ZNF730: variants seen among roughly 807,000 people sequenced by gnomAD.
ZNF730 encodes the protein zinc finger protein 730.
Under a neutral mutation model 12.6 loss-of-function variants are expected in ZNF730, and 12 were observed. The ratio of observed to expected loss-of-function variants is 0.95; its 90% CI spans 0.61 to 1.54. ZNF730 has a LOEUF of 1.54. ZNF730 is among the 40% of genes most tolerant of loss of function. The pLI is 0.00. For synonymous variants in ZNF730, 194 were observed against 195.8 expected (o/e 0.99, Z 0.08); for missense variants, 643 against 583.5 (o/e 1.10, Z -1.05).
At chr19:23,132,064 C>A (rs116706050) in intron 1 of ZNF730, among the ~76,000 whole-genome samples, 103 of 152,232 alleles carry the variant, frequency 6.8e-4, no homozygotes, top group African/African-American at 2.5e-3. Context: ...GGGGAGGGCA[C>A]CTGAGGACAG....
At chr19:23,127,373 A>G (rs1366938576) in intron 1 of ZNF730, 7 of 761,072 alleles carry the variant, frequency 9.2e-6, no homozygotes, top group Non-Finnish European at 1.4e-5. Flanking sequence ...ATGCATCACA[A>G]CTGTGTTCTT....
At chr19:23,100,379 G>A (rs1050911767) in intron 1 of ZNF730, 1 of 152,148 alleles carries the variant, frequency 6.6e-6, no homozygotes, top group African/African-American at 2.4e-5. Flanking sequence ...GGAAAATGAG[G>A]AAGTCGTCTT....
At chr19:23,141,093 T>A (rs1489286983) in intron 3 of ZNF730, among the ~76,000 whole-genome samples, 4 of 151,306 alleles carry the variant, frequency 2.6e-5, no homozygotes, top group Non-Finnish European at 5.9e-5. Context: ...GGAGACCCCA[T>A]CTTTCCAAAA....
Position 23,146,515 on chromosome 19 carries a change from C to T in ZNF730, c.1471C>T (p.Arg491Trp), listed in dbSNP as rs763239685. ...TAAAGAATGTGGTAAAGCCTTTAGG[C>T]GGTTCTCACACCTTACTAGGCATAA... is the stretch of plus-strand genomic sequence containing the variant. Reference protein sequence around the residue: ...KCKECGKAFRRFSHLTRHKTI... With the variant: ...KCKECGKAFRWFSHLTRHKTI... The change falls in exon 4 of 4, where the codon CGG becomes TGG. Residue 491 changes from arginine (R) to tryptophan (W), a missense_variant. Transcript: ENST00000597761. 54 of 1,586,940 alleles carry T rather than the reference C, an allele frequency of 3.4e-5. No homozygotes were observed. Among genetic ancestry groups the T allele is most frequent in the Non-Finnish European group, 3.9e-5 (46 of 1,169,168 alleles).
At chr19:23,121,785 A>T (rs924534124) in intron 1 of ZNF730, among the ~76,000 whole-genome samples, 1 of 152,218 alleles carries the variant, frequency 6.6e-6, no homozygotes, top group Admixed American at 6.5e-5. Context: ...TGAAGTTCAG[A>T]TGTCCAGTGT....
At chr19:23,108,486 C>T (rs989963277) in intron 1 of ZNF730, among the ~76,000 whole-genome samples, 21 of 152,272 alleles carry the variant, frequency 1.4e-4, no homozygotes, top group African/African-American at 4.6e-4. Flanking sequence ...TGAAAAGCAG[C>T]GCTGCCATTG....
intron 3 of ZNF730, among the ~76,000 whole-genome samples, chr19:23,143,170 G>A (rs1177437718): frequency 1.3e-5 from 2 of 152,194 alleles, no homozygotes; most frequent in Admixed American, 6.5e-5. Flanking sequence ...TGTGAACCCC[G>A]GGAGGCGGAG....
chr19:23,110,672 ATAGTGTCT>A (rs1264729517), intron 1 of ZNF730, among the ~76,000 whole-genome samples: 14 of 152,202 alleles, frequency 9.2e-5, no homozygotes, highest in African/African-American at 3.1e-4. Flanking sequence ...ATTGTAAAAT[ATAGTGTCT>A]TTAAGGAGGT....
Position 23,145,556 on chromosome 19 carries a change from A to C in ZNF730, c.512A>C (p.Lys171Thr). The change falls in exon 4 of 4, where the codon AAA (lysine) becomes ACA (threonine). Residue 171 changes from lysine to threonine, a missense_variant. Lys to Thr is a moderately conservative substitution (Grantham distance 78). Coordinates refer to ENST00000597761, the MANE Select transcript of ZNF730 (RefSeq NM_001277403.2). ...CATAAGATAAGACATACTTCGAAGA[A>C]ACCTTTCAAATGTAAAGAATGTGGA... ...NRHKIRHTSKKPFKCKECGKL... is the reference protein window; with the variant it reads ...NRHKIRHTSKTPFKCKECGKL... The C allele has an allele frequency of 6.4e-7, 1 of 1,550,586 alleles. No homozygotes were observed. The highest frequency in any genetic ancestry group is 1.2e-5 in the South Asian group (1 of 82,802).
rs1311232677 is a variant in ZNF730, at chr19:23,146,595, A to T, written c.*39A>T. ...GTGGCAAAGCTTTTAAACAATCTTT[A>T]TACCTTACTACACATAAGATAATTC... On this transcript the variant is annotated 3_prime_UTR_variant, in exon 4 of 4. Coordinates refer to ENST00000597761, the MANE Select transcript of ZNF730 (RefSeq NM_001277403.2). 2.3e-5 allele frequency: 37 copies of T among 1,586,772 alleles called. No homozygotes were observed. Among genetic ancestry groups the T allele is most frequent in the Non-Finnish European group, 3.1e-5 (36 of 1,161,552 alleles).
At chr19:23,139,235 T>TA (rs1291749988) in intron 3 of ZNF730, among the ~76,000 whole-genome samples, 5 of 147,776 alleles carry the variant, frequency 3.4e-5, no homozygotes, top group African/African-American at 1.1e-4. Flanking sequence ...AAAAAATATA[T>TA]TTTTTTTTCT....
At chr19:23,130,696 T>C (rs1464103105) in intron 1 of ZNF730, among the ~76,000 whole-genome samples, 1 of 152,192 alleles carries the variant, frequency 6.6e-6, no homozygotes, top group Non-Finnish European at 1.5e-5. Flanking sequence ...GGCTTATTAG[T>C]ATATGATATA....
rs1425926064 is a variant in ZNF730 at position 23,109,415 on chromosome 19, TC to T, written c.-93-24664del. The stretch of plus-strand genomic sequence containing the variant: ...AGCTAATTTTTTTTTTCCTTTTTTT[TC>T]TTTTTTTTTTGAGGCGGAGTCTCCA... On this transcript the variant is annotated intron_variant, in intron 1 of 2. Transcript: ENST00000593635. Among the ~76,000 whole-genome samples, 6 of 151,404 alleles carry T rather than the reference TC, an allele frequency of 4.0e-5. No individual in the cohort carries two copies. The East Asian group carries it at 7.8e-4, about 20-fold the overall frequency.
At chr19:23,095,623 C>T (rs1416361844) in intron 1 of ZNF730, 2 of 392,352 alleles carry the variant, frequency 5.1e-6, no homozygotes, top group East Asian at 7.2e-5. Context: ...TGGCACTGCC[C>T]TCAGAAGCCG....
chr19:23,083,109 T>C (rs1020468149), intron 1 of ZNF730, among the ~76,000 whole-genome samples: 5 of 152,180 alleles, frequency 3.3e-5, no homozygotes, highest in East Asian at 3.9e-4. Context: ...TTTTGAAATA[T>C]GGATTTTCTT....
At chr19:23,128,607 T>TA (rs1284974105) in intron 1 of ZNF730, 12 of 173,844 alleles carry the variant, frequency 6.9e-5, no homozygotes, top group South Asian at 1.5e-4. Context: ...AGCAAAATTT[T>TA]AAAAAAATTA....
At chr19:23,095,086 G>A in intron 1 of ZNF730, 1 of 323,000 alleles carries the variant, frequency 3.1e-6, no homozygotes, top group East Asian at 4.8e-5. Context: ...GCACCAGAGG[G>A]ATTTGATGCT....
chr19:23,128,016 C>T (rs2145635819), intron 1 of ZNF730: 1 of 750,108 alleles, frequency 1.3e-6, no homozygotes, highest in East Asian at 2.5e-5. Context: ...ATGGCATGGA[C>T]AAGATCTGTG....
intron 1 of ZNF730, among the ~76,000 whole-genome samples, chr19:23,082,108 T>C (rs1010982370): frequency 2.6e-5 from 4 of 152,194 alleles, no homozygotes; most frequent in African/African-American, 9.6e-5. Flanking sequence ...TACTGTGTAA[T>C]AGAAAACCAG....
Sources: gnomAD v4.1 joint callset for allele counts (sites outside exome capture counted in the v4.1 genomes callset) on GRCh38, gnomAD v4.1.1 for gene constraint, MANE v1.5 for transcripts, NCBI Gene and HGNC (gene_info 2026-07-23, HGNC 2026-07-21) for gene names.